Variants in ZFX observed in about 807,000 individuals in gnomAD.
ZFX encodes zinc finger protein X-linked.
For missense variants in ZFX, 362 were observed against 628.3 expected (o/e 0.58, Z 4.53); for synonymous variants, 196 against 226.8 (o/e 0.86, Z 1.22).
At chrX:24,200,546 G>A (rs1310417142) in intron 5 of ZFX, among the ~76,000 whole-genome samples, 1 of 112,400 alleles carries the variant, frequency 8.9e-6, no homozygotes, top group Non-Finnish European at 1.9e-5. Context: ...AAATTCTAAT[G>A]TTGTACCTTT....
chrX:24,177,251 ATTTTT>A (rs1935235518), intron 4 of ZFX, among the ~76,000 whole-genome samples: 1 of 112,031 alleles, frequency 8.9e-6, no homozygotes, highest in African/African-American at 3.2e-5. Context: ...TTTATTTTAT[ATTTTT>A]GATAAGGATA....
At chrX:24,204,289 T>C (rs1251491101) in intron 5 of ZFX, among the ~76,000 whole-genome samples, 1 of 112,740 alleles carries the variant, frequency 8.9e-6, no homozygotes, top group Non-Finnish European at 1.9e-5. Context: ...AGAAGTTAAG[T>C]TGACAAATTG....
intron 4 of ZFX, among the ~76,000 whole-genome samples, chrX:24,174,900 G>A (rs910013064): frequency 8.2e-5 from 9 of 109,432 alleles, no homozygotes; most frequent in Admixed American, 4.9e-4. Context: ...TTGTGGAGAC[G>A]GGGTCTCGCT....
intron 3 of ZFX, among the ~76,000 whole-genome samples, chrX:24,156,649 T>A (rs1270206797): frequency 1.1e-5 from 1 of 93,508 alleles, no homozygotes; most frequent in East Asian, 3.6e-4. Flanking sequence ...CTATCCTGAT[T>A]TAATAATAGC....
At chrX:24,193,351 T>C (rs937943633) in intron 5 of ZFX, among the ~76,000 whole-genome samples, 3 of 112,022 alleles carry the variant, frequency 2.7e-5, no homozygotes, top group African/African-American at 9.8e-5. Flanking sequence ...GACCACATGT[T>C]GTATGATTCC....
intron 5 of ZFX, among the ~76,000 whole-genome samples, chrX:24,192,955 T>C (rs1936643239): frequency 9.0e-6 from 1 of 111,028 alleles, no homozygotes; most frequent in Non-Finnish European, 1.9e-5. Flanking sequence ...TGACTTCTCT[T>C]TTCTGGGTTT....
At chrX:24,155,683 G>C (rs1245050155) in intron 3 of ZFX, among the ~76,000 whole-genome samples, 1 of 112,249 alleles carries the variant, frequency 8.9e-6, no homozygotes, top group African/African-American at 3.2e-5. Context: ...ACTGCCAAAG[G>C]ATTAGATTTT....
intron 5 of ZFX, among the ~76,000 whole-genome samples, chrX:24,180,444 C>T (rs930739734): frequency 6.6e-5 from 7 of 106,309 alleles, no homozygotes; most frequent in East Asian, 3.0e-4. Context: ...TGCAGTGGTG[C>T]GATCTCAGCT....
At chrX:24,185,832 G>A (rs935750398) in intron 5 of ZFX, among the ~76,000 whole-genome samples, 17 of 110,917 alleles carry the variant, frequency 1.5e-4, no homozygotes, top group African/African-American at 3.3e-4. Context: ...TTGGGAAGCC[G>A]AGATGGGGGA....
chrX:24,158,451 T>C, intron 3 of ZFX, among the ~76,000 whole-genome samples: 1 of 111,922 alleles, frequency 8.9e-6, no homozygotes, highest in East Asian at 2.8e-4. Context: ...TCTTTTCCAT[T>C]CCTTCTTGCC....
At chrX:24,180,886 T>A (rs185517012) in intron 5 of ZFX, among the ~76,000 whole-genome samples, 1 of 112,158 alleles carries the variant, frequency 8.9e-6, no homozygotes, top group East Asian at 2.8e-4. Context: ...CCTTTACATG[T>A]TTATCTTAGC....
chrX:24,196,510 A>G (rs184205436), intron 5 of ZFX, among the ~76,000 whole-genome samples: 4 of 112,943 alleles, frequency 3.5e-5, no homozygotes, highest in Non-Finnish European at 7.5e-5. Flanking sequence ...CATTTGCAGC[A>G]TAACCATTGA....
At chrX:24,206,478 A>G (rs181960524) in intron 5 of ZFX, among the ~76,000 whole-genome samples, 1 of 104,845 alleles carries the variant, frequency 9.5e-6, no homozygotes, top group Admixed American at 1.0e-4. Context: ...CTGGGACTAC[A>G]GGCGCATGCC....
intron 3 of ZFX, among the ~76,000 whole-genome samples, chrX:24,170,426 G>A (rs140242462): frequency 0.023 from 2,544 of 109,408 alleles, 32 homozygotes; most frequent in Non-Finnish European, 0.038. Flanking sequence ...CAAAGTGCTG[G>A]GATTACAGAT....
At chrX:24,165,370 C>T (rs1054126471) in intron 3 of ZFX, among the ~76,000 whole-genome samples, 1 of 112,631 alleles carries the variant, frequency 8.9e-6, no homozygotes, top group Non-Finnish European at 1.9e-5. Context: ...CCGCCAGCCT[C>T]GGCCTCCCAA....
intron 5 of ZFX, among the ~76,000 whole-genome samples, chrX:24,189,781 A>G (rs1936413480): frequency 9.0e-6 from 1 of 111,689 alleles, no homozygotes; most frequent in Non-Finnish European, 1.9e-5. Context: ...GAGGGTCAAC[A>G]CATCCTAATA....
At chrX:24,178,801 A>T (rs1416141082) in intron 4 of ZFX, among the ~76,000 whole-genome samples, 2 of 111,266 alleles carry the variant, frequency 1.8e-5, no homozygotes, top group Non-Finnish European at 3.8e-5. Context: ...GCTGGTCTCA[A>T]ACTCTTGGCT....
At chrX:24,152,336 T>C (rs1263488767) in intron 2 of ZFX, among the ~76,000 whole-genome samples, 2 of 110,626 alleles carry the variant, frequency 1.8e-5, no homozygotes, top group African/African-American at 6.6e-5. Context: ...GGGTTTCATG[T>C]TGGCCAGGCT....
chrX:24,191,714 T>C (rs992823405), intron 5 of ZFX, among the ~76,000 whole-genome samples: 17 of 109,039 alleles, frequency 1.6e-4, no homozygotes, highest in South Asian at 4.0e-4. Context: ...TTTTTTTTTT[T>C]CCGAGATGGA....
Sources: allele counts gnomAD v4.1 joint callset (sites outside exome capture counted in the v4.1 genomes callset), GRCh38; gene constraint gnomAD v4.1.1; transcripts MANE v1.5; gene names NCBI Gene and HGNC (gene_info 2026-07-23, HGNC 2026-07-21).